The following SPRED2 variants were observed in gnomAD, a reference collection of about 807,000 sequenced individuals.
The protein encoded by SPRED2 is sprouty related EVH1 domain containing 2.
In SPRED2, 47 loss-of-function variants were observed where a neutral mutation model predicts 43.0. That is an observed-to-expected ratio of 1.09 (90% CI 0.87 to 1.40). The LOEUF is 1.40. SPRED2 is among the 40% of genes most tolerant of loss of function. The pLI, the probability that SPRED2 is intolerant of heterozygous loss-of-function variation, is 0.00. For missense variants in SPRED2, 561 were observed against 586.4 expected (o/e 0.96, Z 0.45); for synonymous variants, 225 against 225.7 (o/e 1.00, Z 0.03).
At chr2:65,353,052 C>T (rs1356072010) in intron 1 of SPRED2, among the ~76,000 whole-genome samples, 1 of 151,956 alleles carries the variant, frequency 6.6e-6, no homozygotes, top group Non-Finnish European at 1.5e-5. Flanking sequence ...TAGGAGGTGG[C>T]GGTGGTAGTC....
At chr2:65,386,980 C>CT (rs5831754) in intron 1 of SPRED2, among the ~76,000 whole-genome samples, 61,415 of 144,592 alleles carry the variant, frequency 0.42, 14,835 homozygotes, top group East Asian at 0.78. Context: ...TGGCTAAGAG[C>CT]TTTTTTTTTT....
At chr2:65,370,155 C>T (rs564923136) in intron 1 of SPRED2, among the ~76,000 whole-genome samples, 35 of 152,314 alleles carry the variant, frequency 2.3e-4, no homozygotes, top group African/African-American at 8.4e-4. Flanking sequence ...ACCTTGCCTA[C>T]ACTTAATGTT....
intron 1 of SPRED2, among the ~76,000 whole-genome samples, chr2:65,428,667 G>C (rs1676608941): frequency 6.6e-6 from 1 of 152,204 alleles, no homozygotes; most frequent in Non-Finnish European, 1.5e-5. Flanking sequence ...AAATATGACT[G>C]AAAGGGAAGC....
chr2:65,331,939 T>G, intron 4 of SPRED2, 48 bp downstream of exon 4: 2 of 1,450,318 alleles, frequency 1.4e-6, no homozygotes, highest in Non-Finnish European at 1.9e-6. Context: ...AACCTTTCTC[T>G]GATTATTCAA....
intron 4 of SPRED2, among the ~76,000 whole-genome samples, chr2:65,323,763 C>A (rs1673508356): frequency 6.6e-6 from 1 of 151,988 alleles, no homozygotes; most frequent in South Asian, 2.1e-4. Context: ...GTAGTCCCAG[C>A]TACTCGGGAG....
intron 1 of SPRED2, among the ~76,000 whole-genome samples, chr2:65,350,480 G>A (rs890902058): frequency 2.0e-5 from 3 of 152,146 alleles, no homozygotes; most frequent in Non-Finnish European, 4.4e-5. Context: ...ATTACAAATG[G>A]TGTTGGACGA....
chr2:65,396,411 T>C (rs946970511), intron 1 of SPRED2, among the ~76,000 whole-genome samples: 1 of 152,258 alleles, frequency 6.6e-6, no homozygotes, highest in Non-Finnish European at 1.5e-5. Context: ...AGCTCCCGTG[T>C]GCTTGCCCTA....
At chr2:65,338,016 T>C (rs1387144557) in intron 2 of SPRED2, among the ~76,000 whole-genome samples, 2 of 152,224 alleles carry the variant, frequency 1.3e-5, no homozygotes, top group African/African-American at 2.4e-5. Flanking sequence ...TTTTTGATAT[T>C]ATAGAATAAA....
intron 1 of SPRED2, among the ~76,000 whole-genome samples, chr2:65,417,506 G>T (rs1444683709): frequency 6.6e-6 from 1 of 152,128 alleles, no homozygotes; most frequent in African/African-American, 2.4e-5. Context: ...CCTCATGCAG[G>T]GTGTGACCAA....
At chr2:65,362,026 A>T (rs1674828664) in intron 1 of SPRED2, among the ~76,000 whole-genome samples, 1 of 152,258 alleles carries the variant, frequency 6.6e-6, no homozygotes, top group Admixed American at 6.5e-5. Context: ...CTCCAATCTG[A>T]AGAATCTTTA....
downstream of SPRED2, chr2:65,308,352 A>T (rs1572821502): frequency 3.0e-6 from 3 of 985,354 alleles, no homozygotes; most frequent in Admixed American, 1.2e-4. Context: ...CCAGAAACCC[A>T]GCCAGCTTAG....
intron 1 of SPRED2, among the ~76,000 whole-genome samples, chr2:65,412,721 C>T (rs1019184790): frequency 6.6e-6 from 1 of 152,170 alleles, no homozygotes; most frequent in African/African-American, 2.4e-5. Context: ...ACAGCTTCTT[C>T]ATCTCCTTGC....
chr2:65,430,687 T>G lies in SPRED2; in HGVS notation c.26+1275A>C, dbSNP rs550861468. Reference sequence around the variant, plus strand: ...CCCCTGCAAAGACGCGCGCGGGGCCTCCCTCCAGGGCGCGTCCCCGCGGCT... The same window carrying G: ...CCCCTGCAAAGACGCGCGCGGGGCCGCCCTCCAGGGCGCGTCCCCGCGGCT... On this transcript the variant is annotated intron_variant, in intron 1 of 5. Coordinates refer to ENST00000356388, the MANE Select transcript of SPRED2 (RefSeq NM_181784.3). Among the ~76,000 whole-genome samples, 9 of 151,624 alleles carry G rather than the reference T, an allele frequency of 5.9e-5. No homozygotes were observed. In the South Asian group the frequency reaches 1.9e-3, roughly 32 times the overall value.
At chr2:65,395,833 AC>A (rs1189372584) in intron 1 of SPRED2, among the ~76,000 whole-genome samples, 1 of 151,958 alleles carries the variant, frequency 6.6e-6, no homozygotes, top group African/African-American at 2.4e-5. Context: ...TCCATTAAAA[AC>A]CTTCAATTGC....
At chr2:65,317,435 C>T (rs1246520968) in intron 4 of SPRED2, among the ~76,000 whole-genome samples, 1 of 152,088 alleles carries the variant, frequency 6.6e-6, no homozygotes, top group Non-Finnish European at 1.5e-5. Context: ...ATTGTTTGAA[C>T]CCGGGAAGCG....
At chr2:65,368,823 C>CGTAA (rs1285176147) in intron 1 of SPRED2, among the ~76,000 whole-genome samples, 12 of 152,118 alleles carry the variant, frequency 7.9e-5, no homozygotes, top group African/African-American at 2.7e-4. Context: ...GGCTCATGCC[C>CGTAA]GTAATCCCAA....
chr2:65,350,722 C>T (rs566538105), intron 1 of SPRED2, among the ~76,000 whole-genome samples: 2 of 152,322 alleles, frequency 1.3e-5, no homozygotes, highest in South Asian at 4.1e-4. Context: ...ACTGGATTAG[C>T]ATCTCCACAG....
chr2:65,311,106 G>A lies in SPRED2; in HGVS notation c.*2395C>T, dbSNP rs939235165. The A allele has an allele frequency of 4.1e-6, 4 of 985,646 alleles. No homozygotes were observed. In the African/African-American group the frequency reaches 7.0e-5, roughly 17 times the overall value. 61.1% of individuals were successfully genotyped at this position (985,646 alleles called of 1,614,324 possible). On this transcript the variant is annotated 3_prime_UTR_variant, in exon 6 of 6. Coordinates refer to ENST00000356388, the MANE Select transcript of SPRED2 (RefSeq NM_181784.3). ...GTGAGCAAATAGCTTGGGGGGTCGG[G>A]GAGGCTTCTGGACAGAAAATCTTTT...
chr2:65,380,201 C>T (rs1028203814), intron 1 of SPRED2, among the ~76,000 whole-genome samples: 2 of 152,346 alleles, frequency 1.3e-5, no homozygotes, highest in Non-Finnish European at 1.5e-5. Context: ...AGAGAACCTT[C>T]TCTGTTACTG....
Sources: gnomAD v4.1 joint callset for allele counts (sites outside exome capture counted in the v4.1 genomes callset) on GRCh38, gnomAD v4.1.1 for gene constraint, MANE v1.5 for transcripts, NCBI Gene and HGNC (gene_info 2026-07-23, HGNC 2026-07-21) for gene names.